The following DAPK2 variants were observed in gnomAD, a reference collection of about 807,000 sequenced individuals.
DAPK2 encodes the protein death associated protein kinase 2, also known as death-associated protein kinase 2.
DAPK2 carries 35 observed loss-of-function variants against 44.1 expected under a neutral mutation model. The observed-to-expected ratio is 0.79, with a 90% CI of 0.61 to 1.05. The LOEUF is 1.05. Ranked by LOEUF, DAPK2 falls within the 50% of genes least tolerant of loss-of-function variation. The pLI is 0.00. For missense variants in DAPK2, 453 were observed against 483.2 expected, an observed-to-expected ratio of 0.94 and a Z score of 0.59; for synonymous variants, 174 against 182.6, an observed-to-expected ratio of 0.95 and a Z score of 0.38.
chr15:64,036,324 T>C (rs1273013954), intron 1 of DAPK2, among the ~76,000 whole-genome samples: 4 of 116,018 alleles, frequency 3.4e-5, no homozygotes, highest in African/African-American at 1.2e-4. Context: ...TATATGTATA[T>C]ATATATATAT....
chr15:63,913,227 G>A (rs999660992), intron 8 of DAPK2, among the ~76,000 whole-genome samples: 2 of 152,104 alleles, frequency 1.3e-5, no homozygotes, highest in Non-Finnish European at 1.5e-5. Flanking sequence ...GGCTACTAAA[G>A]GGTATGACAT....
chr15:64,033,470 A>G (rs554867788), intron 1 of DAPK2, among the ~76,000 whole-genome samples: 15 of 152,268 alleles, frequency 9.9e-5, no homozygotes, highest in African/African-American at 3.6e-4. Context: ...AATAAGTCTC[A>G]CAGATCTACC....
At chr15:64,046,383 GCGGCGGGAA>G (rs1332006154), upstream of DAPK2, 209 of 700,952 alleles carry the variant, frequency 3.0e-4, no homozygotes, top group African/African-American at 4.1e-3. This position sits in a 1 kb window ranked among gnomAD's most constrained non-coding sequence, Gnocchi z 5.3. Context: ...CGCGGCGGGC[GCGGCGGGAA>G]CGGGGGACGC....
rs73450789 is a variant in DAPK2 at position 63,923,385 on chromosome 15, C to T, written c.858+1431G>A. 4,228 of 1,517,182 alleles carry T rather than the reference C, an allele frequency of 2.8e-3. 92 individuals carry two copies. In the African/African-American group the frequency reaches 0.049, roughly 18 times the overall value. 94.0% of individuals were successfully genotyped at this position (1,517,182 alleles called of 1,614,324 possible). A position where few individuals can be genotyped will look rare whatever the true frequency, so the allele number is the denominator to read the frequency against. ...CAGAAGAATCAGAGTGTTAATTTGCCGCCCACCCCAGAGGGCAGTCCAAAG... is the reference window on the plus strand; with the variant it reads ...CAGAAGAATCAGAGTGTTAATTTGCTGCCCACCCCAGAGGGCAGTCCAAAG... On this transcript the variant is annotated intron_variant, in intron 8 of 10. Coordinates refer to ENST00000261891, the Ensembl canonical transcript of DAPK2. The surrounding 1 kb of genome is among the most constrained non-coding windows in gnomAD (Gnocchi z 4.2).
chr15:63,912,211 C>T lies in DAPK2; in HGVS notation c.859-14G>A, dbSNP rs199659770. 466 of 1,613,474 alleles carry T rather than the reference C, an allele frequency of 2.9e-4. No homozygotes were observed. The African/African-American group carries it at 5.4e-3, about 19-fold the overall frequency. On this transcript the variant is annotated splice_polypyrimidine_tract_variant and intron_variant, in intron 8 of 10. Coordinates refer to ENST00000261891, the Ensembl canonical transcript of DAPK2. The surrounding 1 kb of genome is among the most constrained non-coding windows in gnomAD (Gnocchi z 4.4). The stretch of plus-strand genomic sequence containing the variant: ...GTTGTCCACCGGCTGAGAGACAAAG[C>T]AGAGCATGGCAGCTGATGCTGGGCT...
Position 64,013,580 on chromosome 15 carries a change from A to C in DAPK2, c.92+26590T>G, listed in dbSNP as rs1443707654. Among the ~76,000 whole-genome samples the C allele has an allele frequency of 6.6e-6, 1 of 152,232 alleles. No individual in the cohort carries two copies. The highest frequency in any genetic ancestry group is 1.5e-5 in the Non-Finnish European group (1 of 68,042). ...AAACCTAAGGGCTAGAAAGGCCCTG[A>C]GATACCATCTAGCCTAACCCTCACA... On this transcript the variant is annotated intron_variant, in intron 1 of 10. Coordinates refer to ENST00000261891, the Ensembl canonical transcript of DAPK2. This position sits in a 1 kb window ranked among gnomAD's most constrained non-coding sequence, Gnocchi z 4.7.
At chr15:63,950,847 AAAAC>A (rs2077567270) in intron 3 of DAPK2, among the ~76,000 whole-genome samples, 1 of 152,234 alleles carries the variant, frequency 6.6e-6, no homozygotes, top group Non-Finnish European at 1.5e-5. Context: ...ATCAAATGAG[AAAAC>A]AGACATGTAA....
chr15:64,017,821 C>T (rs73456758), intron 1 of DAPK2, among the ~76,000 whole-genome samples: 2,725 of 152,290 alleles, frequency 0.018, 78 homozygotes, highest in African/African-American at 0.063. Flanking sequence ...AAAGCAGCCA[C>T]ACTGGCCTGA....
At chr15:64,016,866 AGG>A (rs2079545345) in intron 1 of DAPK2, among the ~76,000 whole-genome samples, 2 of 149,702 alleles carry the variant, frequency 1.3e-5, no homozygotes, top group Non-Finnish European at 3.0e-5. Flanking sequence ...GAAGGAAGGA[AGG>A]AAGGAAGGAA....
chr15:63,934,598 C>A (rs2077084546), intron 4 of DAPK2, among the ~76,000 whole-genome samples: 1 of 152,056 alleles, frequency 6.6e-6, no homozygotes, highest in Admixed American at 6.6e-5. Context: ...CTCACTGTTG[C>A]CCAGGCTGGA....
At chr15:64,024,518 A>C (rs2079780874) in intron 1 of DAPK2, among the ~76,000 whole-genome samples, 1 of 152,230 alleles carries the variant, frequency 6.6e-6, no homozygotes, top group Non-Finnish European at 1.5e-5. Flanking sequence ...ACCCCATGAG[A>C]TAGCAACCAT....
At chr15:64,030,824 C>G (rs939317045) in intron 1 of DAPK2, among the ~76,000 whole-genome samples, 5 of 152,064 alleles carry the variant, frequency 3.3e-5, no homozygotes, top group Non-Finnish European at 5.9e-5. Flanking sequence ...TTAAAATTAT[C>G]AAAGTCTAGG....
upstream of DAPK2, among the ~76,000 whole-genome samples, chr15:64,042,317 G>A (rs890829756): frequency 3.9e-5 from 6 of 152,064 alleles, no homozygotes; most frequent in African/African-American, 1.5e-4. This position sits in a 1 kb window ranked among gnomAD's most constrained non-coding sequence, Gnocchi z 4.7. Context: ...GGCCCAGGGA[G>A]TAAAGGGAGT....
intron 4 of DAPK2, among the ~76,000 whole-genome samples, chr15:63,934,806 G>A (rs1404549473): frequency 6.6e-6 from 1 of 151,972 alleles, no homozygotes; most frequent in Admixed American, 6.6e-5. Context: ...TGATCTAACC[G>A]TCTTGGCCTC....
Position 63,908,679 on chromosome 15 carries a change from G to A in DAPK2, c.1033-79C>T. On this transcript the variant is annotated intron_variant, in intron 10 of 10. Transcript: ENST00000261891. The surrounding 1 kb of genome is among the most constrained non-coding windows in gnomAD (Gnocchi z 5.7). The stretch of plus-strand genomic sequence containing the variant: ...GAATGGGGCTGTGCTGGGCAACCTG[G>A]GTTGATTCACCTGGACCACGGGACT... 7.8e-7 allele frequency: 1 copy of A among 1,276,666 alleles called. No individual in the cohort carries two copies. Among genetic ancestry groups the A allele is most frequent in the Non-Finnish European group, 1.1e-6 (1 of 947,858 alleles). 79.1% of individuals were successfully genotyped at this position (1,276,666 alleles called of 1,614,324 possible). A position where few individuals can be genotyped will look rare whatever the true frequency, so the allele number is the denominator to read the frequency against.
Position 63,925,936 on chromosome 15 carries a change from C to T in DAPK2, c.812+5G>A, listed in dbSNP as rs1395969705. The T allele has an allele frequency of 1.9e-6, 3 of 1,614,146 alleles. No homozygotes were observed. The highest frequency in any genetic ancestry group is 2.5e-6 in the Non-Finnish European group (3 of 1,180,026). On this transcript the variant is annotated splice_donor_5th_base_variant and intron_variant, in intron 7 of 10. Transcript: ENST00000261891. Reference sequence around the variant, plus strand: ...GAGAAACCAGTGGCTTCTCTGTCCTCTTACCGGGTCTCTTTAACCAGAAGC... The same window carrying T: ...GAGAAACCAGTGGCTTCTCTGTCCTTTTACCGGGTCTCTTTAACCAGAAGC...
intron 8 of DAPK2, among the ~76,000 whole-genome samples, chr15:63,924,006 C>CCACCTTTCT (rs2079165526): frequency 6.6e-6 from 1 of 152,158 alleles, no homozygotes; most frequent in Non-Finnish European, 1.5e-5. Flanking sequence ...TTTCTTATCT[C>CCACCTTTCT]CACCTTTCTT....
intron 1 of DAPK2, among the ~76,000 whole-genome samples, chr15:63,992,789 C>G (rs1399220252): frequency 1.3e-5 from 2 of 152,182 alleles, no homozygotes; most frequent in Admixed American, 1.3e-4. Flanking sequence ...GCACCCTTCC[C>G]ACCATCTGAG....
At chr15:63,945,654 C>T (rs1279030886) in intron 3 of DAPK2, among the ~76,000 whole-genome samples, 1 of 152,144 alleles carries the variant, frequency 6.6e-6, no homozygotes, top group Non-Finnish European at 1.5e-5. Flanking sequence ...GATTGGAAAA[C>T]TGCAGGTCCA....
Sources: gnomAD v4.1 joint callset for allele counts (sites outside exome capture counted in the v4.1 genomes callset) on GRCh38, gnomAD v4.1.1 for gene constraint, Gnocchi (gnomAD v3.1) non-coding constraint, MANE v1.5 for transcripts, NCBI Gene and HGNC (gene_info 2026-07-23, HGNC 2026-07-21) for gene names.